The following DNMT1 variants were observed in gnomAD, a reference collection of about 807,000 sequenced individuals.
DNMT1 encodes DNA methyltransferase 1.
Under a neutral mutation model 205.3 loss-of-function variants are expected in DNMT1, and 24 were observed. The observed-to-expected ratio is 0.12, with a 90% CI of 0.08 to 0.16. DNMT1 has a LOEUF of 0.16. DNMT1 is among the 10% of genes least tolerant of loss of function. The pLI, the probability that DNMT1 is intolerant of heterozygous loss-of-function variation, is 1.00. For missense variants in DNMT1, 1,293 were observed against 2,177.7 expected (o/e 0.59, Z 8.09); for synonymous variants, 817 against 839.8 (o/e 0.97, Z 0.47).
At position 10,133,641 on chromosome 19, in the gene DNMT1, G is replaced by A. The variant is rs770834214; in HGVS notation, c.*26C>T. On this transcript the variant is annotated 3_prime_UTR_variant, in exon 41 of 41. Transcript: ENST00000359526. This position sits in a 1 kb window ranked among gnomAD's most constrained non-coding sequence, Gnocchi z 4.1. Reference sequence around the variant, plus strand: ...TGCATGTTGGGGATTCCTGGTGCCAGAAACAGGGGTGACGGGAGGGCAGAA... The same window carrying A: ...TGCATGTTGGGGATTCCTGGTGCCAAAAACAGGGGTGACGGGAGGGCAGAA... 4 of 1,594,658 alleles carry A rather than the reference G, an allele frequency of 2.5e-6. No individual in the cohort carries two copies. In the East Asian group the frequency reaches 6.8e-5, roughly 27 times the overall value.
chr19:10,157,091 C>T (rs1198046652), intron 17 of DNMT1, among the ~76,000 whole-genome samples: 1 of 152,188 alleles, frequency 6.6e-6, no homozygotes, highest in African/African-American at 2.4e-5. Context: ...ACACCTTCTA[C>T]TATGCAGTGC....
intron 9 of DNMT1, among the ~76,000 whole-genome samples, chr19:10,169,512 G>A (rs1479433677): frequency 2.6e-5 from 4 of 151,988 alleles, no homozygotes; most frequent in East Asian, 3.9e-4. Flanking sequence ...AACCGAGATC[G>A]TGCCACTGCA....
chr19:10,170,012 G>A (rs1313415470), intron 9 of DNMT1, among the ~76,000 whole-genome samples: 2 of 152,274 alleles, frequency 1.3e-5, no homozygotes, highest in Middle Eastern at 3.4e-3. Flanking sequence ...TCGGCCGGGC[G>A]TGGTGTTTCA....
rs748976355 is a variant in DNMT1 at position 10,139,783 on chromosome 19, G to A, written c.3841C>T (p.Leu1281=). 6.2e-7 allele frequency: 1 copy of A among 1,601,334 alleles called. No individual in the cohort carries two copies. Among genetic ancestry groups the A allele is most frequent in the South Asian group, 1.1e-5 (1 of 88,974 alleles). Residue 1281 remains leucine, a synonymous_variant, in exon 34 of 41, where the codon CTG becomes TTG. Coordinates refer to ENST00000359526, the MANE Select transcript of DNMT1 (RefSeq NM_001130823.3). The part of the protein sequence containing the change: ...CDYYRPRFFL[L]ENVRNFVSFK... ...GAGACAAAGTTCCTGACATTCTCCA[G>A]GAGGAAGAACCGGGGCCGGTAGTAG...
chr19:10,161,710 T>A (rs1005397205), intron 13 of DNMT1, among the ~76,000 whole-genome samples: 1 of 152,156 alleles, frequency 6.6e-6, no homozygotes, highest in Non-Finnish European at 1.5e-5. Context: ...CCGAGTCATG[T>A]CCCCTGCAAA....
In DNMT1 at chr19:10,138,076, C is replaced by A. The variant is rs1315532809; in HGVS notation, c.4116-67G>T. On this transcript the variant is annotated intron_variant, in intron 35 of 40. Transcript: ENST00000359526. The surrounding 1 kb of genome is among the most constrained non-coding windows in gnomAD (Gnocchi z 4.1). ...AGCAGCTGTCCCCTCATCACAGGTG[C>A]CACCCCCTGCCTGCTCAGATGGCCT... 2 of 1,530,496 alleles carry A rather than the reference C, an allele frequency of 1.3e-6. No homozygotes were observed. The highest frequency in any genetic ancestry group is 2.7e-5 in the African/African-American group (2 of 73,270). 94.8% of individuals were successfully genotyped at this position (1,530,496 alleles called of 1,614,324 possible).
At chr19:10,184,994 G>A (rs564111707) in intron 1 of DNMT1, among the ~76,000 whole-genome samples, 67 of 152,200 alleles carry the variant, frequency 4.4e-4, no homozygotes, top group Middle Eastern at 3.2e-3. Flanking sequence ...TGGGTCATGC[G>A]GGCCCTGATT....
intron 38 of DNMT1, 125 bp from the exon 39 acceptor site, chr19:10,135,977 G>A (rs980655153): frequency 1.3e-6 from 2 of 1,481,920 alleles, no homozygotes; most frequent in Non-Finnish European, 1.8e-6. Flanking sequence ...CTTGTCCCGT[G>A]GACGTGGAGG....
chr19:10,182,111 A>G, intron 1 of DNMT1, 34 bp from the exon 2 acceptor site: 1 of 1,603,702 alleles, frequency 6.2e-7, no homozygotes, highest in Non-Finnish European at 8.5e-7. Flanking sequence ...AAATACAAAC[A>G]CTTGTTAAGC....
chr19:10,172,832 TAAATA>T (rs549830163), intron 9 of DNMT1, among the ~76,000 whole-genome samples: 1 of 151,816 alleles, frequency 6.6e-6, no homozygotes, highest in Non-Finnish European at 1.5e-5. Flanking sequence ...AATAAATAAA[TAAATA>T]AAATAAAATA....
chr19:10,160,292 C>G, intron 14 of DNMT1, 92 bp downstream of exon 14: 1 of 1,586,966 alleles, frequency 6.3e-7, no homozygotes. Context: ...TAAGGTTGCT[C>G]TGGCAATTAC....
chr19:10,167,547 T>C (rs2038722924), intron 10 of DNMT1, among the ~76,000 whole-genome samples: 1 of 152,194 alleles, frequency 6.6e-6, no homozygotes, highest in Admixed American at 6.5e-5. Flanking sequence ...ATTTCTGCCC[T>C]TGTGGTCTGG....
At chr19:10,181,800 G>C (rs1230599158) in intron 2 of DNMT1, among the ~76,000 whole-genome samples, 1 of 152,010 alleles carries the variant, frequency 6.6e-6, no homozygotes, top group Non-Finnish European at 1.5e-5. Context: ...TTGCACTCTA[G>C]CCTGGGTGAC....
chr19:10,175,054 C>CA (rs2038906884), intron 7 of DNMT1, among the ~76,000 whole-genome samples: 1 of 148,160 alleles, frequency 6.7e-6, no homozygotes, highest in Non-Finnish European at 1.5e-5. Context: ...AAAAAAGTCT[C>CA]AAAAAAAGAA....
intron 39 of DNMT1, 88 bp downstream of exon 39, chr19:10,135,648 G>T: frequency 7.0e-7 from 1 of 1,421,670 alleles, no homozygotes; most frequent in Non-Finnish European, 9.6e-7. Flanking sequence ...CGTCCTCCCG[G>T]AAGTGACTGC....
chr19:10,181,487 G>C (rs1252949711), intron 2 of DNMT1, among the ~76,000 whole-genome samples: 2 of 151,042 alleles, frequency 1.3e-5, no homozygotes, highest in Non-Finnish European at 2.9e-5. Context: ...GTGTTACCAG[G>C]ACAAGTTACA....
At position 10,182,231 on chromosome 19, in the gene DNMT1, A is replaced by G. The variant is rs79902277; in HGVS notation, c.81-154T>C. Among the ~76,000 whole-genome samples, 423 of 152,172 alleles carry G rather than the reference A, an allele frequency of 2.8e-3. 1 individual carries two copies. The highest frequency in any genetic ancestry group is 3.4e-3 in the Middle Eastern group (1 of 294). ...AAGCTGGCTTTTGTCTCCCCGCAAG[A>G]GTCTAGAGTGTCCTACTGGAATGCC... On this transcript the variant is annotated intron_variant, in intron 1 of 40. Transcript: ENST00000359526.
At position 10,136,936 on chromosome 19, in the gene DNMT1, A is replaced by G. The variant is rs2089494936; in HGVS notation, c.4489+149T>C. On this transcript the variant is annotated intron_variant, in intron 37 of 40. Transcript: ENST00000359526. ...GCCATGAACCCAGCCTGCTTTTACT[A>G]CTCAACATGGTCAGCAGCTACCTTC... is the stretch of plus-strand genomic sequence containing the variant. 4 of 1,092,374 alleles carry G rather than the reference A, an allele frequency of 3.7e-6. No homozygotes were observed. In the Admixed American group the frequency reaches 8.1e-5, roughly 22 times the overall value. The allele number at this position is 1,092,374 out of a possible 1,614,324, so 67.7% of individuals were successfully genotyped here. A position where few individuals can be genotyped will look rare whatever the true frequency, so the allele number is the denominator to read the frequency against.
At chr19:10,152,753 C>T (rs2038375764) in intron 22 of DNMT1, among the ~76,000 whole-genome samples, 1 of 151,262 alleles carries the variant, frequency 6.6e-6, no homozygotes, top group Non-Finnish European at 1.5e-5. Context: ...AGAACGAGAC[C>T]CATCTCAACA....
Sources: gnomAD v4.1 joint callset for allele counts (sites outside exome capture counted in the v4.1 genomes callset) on GRCh38, gnomAD v4.1.1 for gene constraint, Gnocchi (gnomAD v3.1) non-coding constraint, MANE v1.5 for transcripts, NCBI Gene and HGNC (gene_info 2026-07-23, HGNC 2026-07-21) for gene names.